TCF25: variants seen among roughly 807,000 people sequenced by gnomAD.
The protein encoded by TCF25 is TCF25 ribosome quality control complex subunit, also known as ribosome quality control complex subunit TCF25.
In TCF25, 41 loss-of-function variants were observed where a neutral mutation model predicts 83.1. The ratio of observed to expected loss-of-function variants is 0.49; its 90% CI spans 0.38 to 0.64. The LOEUF (loss-of-function observed/expected upper bound fraction) is 0.64. Among genes scored for constraint, TCF25 ranks in the 30% least tolerant of loss-of-function variants. The pLI, the probability that TCF25 is intolerant of heterozygous loss-of-function variation, is 0.00. For missense variants in TCF25, 979 were observed against 914.5 expected, an observed-to-expected ratio of 1.07 and a Z score of -0.91; for synonymous variants, 458 against 365.0, an observed-to-expected ratio of 1.25 and a Z score of -2.90.
In TCF25 at chr16:89,873,985, G is replaced by A. The variant is rs1597235396; in HGVS notation, c.192+126G>A. ...GGTGGGAAGGGTGACGTGGGTCCCAGCCGCAGTGGGGAGGGCGGGGCCGTG... is the reference window on the plus strand; with the variant it reads ...GGTGGGAAGGGTGACGTGGGTCCCAACCGCAGTGGGGAGGGCGGGGCCGTG... On this transcript the variant is annotated intron_variant, in intron 1 of 17. Coordinates refer to ENST00000263346, the MANE Select transcript of TCF25 (RefSeq NM_014972.3). The A allele has an allele frequency of 8.3e-6, 10 of 1,201,142 alleles. 1 individual carries two copies. Among genetic ancestry groups the A allele is most frequent in the African/African-American group, 3.3e-5 (2 of 61,450 alleles). The allele number at this position is 1,201,142 out of a possible 1,614,324, so 74.4% of individuals were successfully genotyped here.
At chr16:89,888,724 T>C (rs935810752) in intron 5 of TCF25, among the ~76,000 whole-genome samples, 2 of 149,732 alleles carry the variant, frequency 1.3e-5, no homozygotes, top group African/African-American at 4.9e-5. Flanking sequence ...TCGCCCAGGC[T>C]GGAATGCAGT....
At chr16:89,908,384 C>T (rs551117178) in intron 16 of TCF25, among the ~76,000 whole-genome samples, 6 of 148,882 alleles carry the variant, frequency 4.0e-5, no homozygotes, top group African/African-American at 1.5e-4. Context: ...GCTCCCACCT[C>T]CCTCCTTCCA....
At position 89,911,304 on chromosome 16, in the gene TCF25, GC is replaced by G. The variant is rs2045536217; in HGVS notation, c.*68del. The stretch of plus-strand genomic sequence containing the variant: ...CCGATTTCTCTGTTGGTCGGAGTCG[GC>G]CAGTTGCCTGAAGTAGGGAAGCTGA... On this transcript the variant is annotated 3_prime_UTR_variant, in exon 18 of 18. Coordinates refer to ENST00000263346, the MANE Select transcript of TCF25 (RefSeq NM_014972.3). The G allele has an allele frequency of 6.3e-7, 1 of 1,589,436 alleles. No individual in the cohort carries two copies. The highest frequency in any genetic ancestry group is 1.3e-5 in the African/African-American group (1 of 74,592).
intron 5 of TCF25, among the ~76,000 whole-genome samples, chr16:89,890,987 T>A (rs1436333864): frequency 1.3e-5 from 2 of 152,128 alleles, no homozygotes; most frequent in Non-Finnish European, 2.9e-5. Flanking sequence ...CATTTCTCCT[T>A]CTGGTGGTTC....
At chr16:89,895,212 A>G in intron 8 of TCF25, 75 bp downstream of exon 8, 2 of 1,369,022 alleles carry the variant, frequency 1.5e-6, no homozygotes, top group South Asian at 1.2e-5. Context: ...GCGATGGTGT[A>G]AGATGACAGG....
At position 89,898,691 on chromosome 16, in the gene TCF25, C is replaced by A. The variant is rs1484841496; in HGVS notation, c.1115+42C>A. Reference sequence around the variant, plus strand: ...GGCCAAGCCCGTCCACGCTCCCTGTCCTGGCTGCAGGCCCACTCTCAGCCT... The same window carrying A: ...GGCCAAGCCCGTCCACGCTCCCTGTACTGGCTGCAGGCCCACTCTCAGCCT... On this transcript the variant is annotated intron_variant, in intron 10 of 17. Transcript: ENST00000263346. 3 of 1,611,656 alleles carry A rather than the reference C, an allele frequency of 1.9e-6. No homozygotes were observed. The South Asian group carries it at 3.3e-5, about 18-fold the overall frequency.
intron 6 of TCF25, among the ~76,000 whole-genome samples, chr16:89,893,004 G>A (rs752236363): frequency 2.6e-5 from 4 of 152,224 alleles, no homozygotes; most frequent in African/African-American, 9.6e-5. Context: ...ATCTAGGAGC[G>A]AGGCCTGTGC....
intron 4 of TCF25, among the ~76,000 whole-genome samples, chr16:89,886,291 G>C (rs2043011009): frequency 6.6e-6 from 1 of 152,048 alleles, no homozygotes; most frequent in South Asian, 2.1e-4. Flanking sequence ...GCTGGGCGTG[G>C]TAGCGGGCGC....
At chr16:89,880,622 C>T (rs1467792716) in intron 1 of TCF25, among the ~76,000 whole-genome samples, 5 of 152,076 alleles carry the variant, frequency 3.3e-5, no homozygotes, top group Admixed American at 2.0e-4. Flanking sequence ...GGTGTTGTGG[C>T]GTGTGCCTGT....
chr16:89,885,503 T>C (rs2042935729), intron 3 of TCF25, among the ~76,000 whole-genome samples: 1 of 152,210 alleles, frequency 6.6e-6, no homozygotes, highest in Non-Finnish European at 1.5e-5. Context: ...TTCGTCCTCG[T>C]CTGACTGTGT....
At chr16:89,899,620 C>T (rs2044157775) in intron 11 of TCF25, among the ~76,000 whole-genome samples, 1 of 151,840 alleles carries the variant, frequency 6.6e-6, no homozygotes, top group South Asian at 2.1e-4. Context: ...CCCAGCTACT[C>T]GGGAGGCTGA....
Position 89,883,467 on chromosome 16 carries a change from G to C in TCF25, c.309G>C (p.Glu103Asp). 1 of 1,613,684 alleles carries C rather than the reference G, an allele frequency of 6.2e-7. No individual in the cohort carries two copies. Among genetic ancestry groups the C allele is most frequent in the East Asian group, 2.2e-5 (1 of 44,868 alleles). ...NKGRGQRGNT[E>D]SKTDGDDTET... ...GAAGGGGTCAGCGTGGAAACACAGA[G>C]AGCAAGACGGATGGAGATGACACCG... The change falls in exon 2 of 18, where the codon GAG (glutamate) becomes GAC (aspartate). Residue 103 changes from glutamate (E) to aspartate (D), a missense_variant. Physicochemically the swap from Glu to Asp is conservative, Grantham distance 45. Coordinates refer to ENST00000263346, the MANE Select transcript of TCF25 (RefSeq NM_014972.3).
Position 89,884,617 on chromosome 16 carries a change from A to G in TCF25, c.390A>G (p.Lys130=). ...HASGKLRKKK[K]KQKNKKSSTG... is the part of the protein sequence containing the mutation. ...GTGGCAAACTCCGGAAGAAGAAAAA[A>G]AAACAGAAAAACAAGAAAAGCAGCA... The change falls in exon 3 of 18, where the codon AAA becomes AAG. Residue 130 remains lysine, a synonymous_variant. Coordinates refer to ENST00000263346, the MANE Select transcript of TCF25 (RefSeq NM_014972.3). The G allele has an allele frequency of 6.2e-7, 1 of 1,613,744 alleles. No individual in the cohort carries two copies. The highest frequency in any genetic ancestry group is 1.1e-5 in the South Asian group (1 of 91,050).
chr16:89,896,526 G>A (rs2144153015), intron 9 of TCF25, among the ~76,000 whole-genome samples: 1 of 151,846 alleles, frequency 6.6e-6, no homozygotes, highest in Non-Finnish European at 1.5e-5. Flanking sequence ...GAGCACCGTG[G>A]CAACATGCAG....
In TCF25 at chr16:89,896,192, G is replaced by A. The variant is rs1323834465; in HGVS notation, c.1022+109G>A. 4.2e-6 allele frequency: 4 copies of A among 957,292 alleles called. No homozygotes were observed. The South Asian group carries it at 4.4e-5, about 11-fold the overall frequency. The allele number at this position is 957,292 out of a possible 1,614,324, so 59.3% of individuals were successfully genotyped here. ...ATGGCTGCCCTCCAGGGTGGACCAGGGCCCACAGGTCCAGAGTGACCCACC... is the reference window on the plus strand; with the variant it reads ...ATGGCTGCCCTCCAGGGTGGACCAGAGCCCACAGGTCCAGAGTGACCCACC... On this transcript the variant is annotated intron_variant, in intron 9 of 17. Transcript: ENST00000263346.
At chr16:89,900,931 A>C in intron 12 of TCF25, 137 bp downstream of exon 12, 5 of 1,011,094 alleles carry the variant, frequency 4.9e-6, no homozygotes, top group Non-Finnish European at 6.7e-6. Context: ...AGGGCCTGCA[A>C]ACCTGCCCTA....
chr16:89,888,092 C>A (rs1251133721), intron 5 of TCF25, among the ~76,000 whole-genome samples: 1 of 151,772 alleles, frequency 6.6e-6, no homozygotes, highest in Non-Finnish European at 1.5e-5. Flanking sequence ...TAGTGAAACC[C>A]CGTCTCTACT....
chr16:89,911,290 G>T lies in TCF25; in HGVS notation c.*52G>T, dbSNP rs760716043. On this transcript the variant is annotated 3_prime_UTR_variant, in exon 18 of 18. Transcript: ENST00000263346. Reference sequence around the variant, plus strand: ...GTATGATGATGTTCCCGATTTCTCTGTTGGTCGGAGTCGGCCAGTTGCCTG... The same window carrying T: ...GTATGATGATGTTCCCGATTTCTCTTTTGGTCGGAGTCGGCCAGTTGCCTG... 8 of 1,598,554 alleles carry T rather than the reference G, an allele frequency of 5.0e-6. No homozygotes were observed. Among genetic ancestry groups the T allele is most frequent in the South Asian group, 4.4e-5 (4 of 90,644 alleles).
At chr16:89,899,948 T>G (rs1337245216) in intron 11 of TCF25, among the ~76,000 whole-genome samples, 1 of 152,198 alleles carries the variant, frequency 6.6e-6, no homozygotes, top group East Asian at 1.9e-4. Context: ...TTTTGAATTT[T>G]TAAGCATTTG....
Sources: allele counts gnomAD v4.1 joint callset (sites outside exome capture counted in the v4.1 genomes callset), GRCh38; gene constraint gnomAD v4.1.1; transcripts MANE v1.5; gene names NCBI Gene and HGNC (gene_info 2026-07-23, HGNC 2026-07-21).